Variants in RPRD1A observed in about 807,000 individuals in gnomAD.
RPRD1A encodes the protein regulation of nuclear pre-mRNA domain-containing protein 1A.
A neutral mutation model predicts 37.8 loss-of-function variants in RPRD1A; 9 were observed. That is an observed-to-expected ratio of 0.24 (90% CI 0.14 to 0.42). The LOEUF (loss-of-function observed/expected upper bound fraction) is 0.42, where lower values mean the gene tolerates loss of function less well. RPRD1A is among the 10% of genes least tolerant of loss of function. The pLI is 1.00. For synonymous variants in RPRD1A, 138 were observed against 139.7 expected (o/e 0.99, Z 0.08); for missense variants, 255 against 371.0 (o/e 0.69, Z 2.57).
intron 6 of RPRD1A, among the ~76,000 whole-genome samples, chr18:35,995,851 C>T (rs1219886617): frequency 1.3e-5 from 2 of 152,128 alleles, no homozygotes; most frequent in African/African-American, 4.8e-5. Flanking sequence ...ATGAAAATGG[C>T]ATTCTCCCTC....
intron 6 of RPRD1A, among the ~76,000 whole-genome samples, chr18:36,000,437 A>G (rs1005291152): frequency 6.6e-6 from 1 of 152,212 alleles, no homozygotes; most frequent in Non-Finnish European, 1.5e-5. Context: ...CTCTTAAGAA[A>G]TCCACTATTG....
intron 6 of RPRD1A, among the ~76,000 whole-genome samples, 165 bp from the exon 7 acceptor site, chr18:35,993,465 T>C (rs1908834352): frequency 6.6e-6 from 1 of 152,236 alleles, no homozygotes; most frequent in African/African-American, 2.4e-5. Context: ...TGGAAATATA[T>C]AACTAGTAAA....
intron 1 of RPRD1A, among the ~76,000 whole-genome samples, chr18:36,049,785 G>A (rs1360482275): frequency 2.0e-5 from 3 of 152,172 alleles, no homozygotes; most frequent in Non-Finnish European, 2.9e-5. Context: ...GGAATTATGG[G>A]TGTGCATATA....
Position 35,991,930 on chromosome 18 carries a change from A to C in RPRD1A, c.*1221T>G, listed in dbSNP as rs1181095107. ...GAGAAGAAAAATGTCTAGTATGTAA[A>C]GCAATGAATGAAAATAAATGTTTAT... On this transcript the variant is annotated 3_prime_UTR_variant, in exon 7 of 7. Transcript: ENST00000399022. 1.3e-5 allele frequency: 2 copies of C among 152,458 alleles called. No homozygotes were observed. Among genetic ancestry groups the C allele is most frequent in the Non-Finnish European group, 2.9e-5 (2 of 68,032 alleles). 9.4% of individuals were successfully genotyped at this position (152,458 alleles called of 1,614,324 possible). A position where few individuals can be genotyped will look rare whatever the true frequency, so the allele number is the denominator to read the frequency against.
chr18:36,060,609 T>C (rs930362651), intron 1 of RPRD1A, among the ~76,000 whole-genome samples: 2 of 152,190 alleles, frequency 1.3e-5, no homozygotes, highest in African/African-American at 2.4e-5. Flanking sequence ...AAACGCAGTA[T>C]GCTGGGGAGC....
chr18:36,059,484 A>T (rs1327722390), intron 1 of RPRD1A, among the ~76,000 whole-genome samples: 3 of 152,152 alleles, frequency 2.0e-5, no homozygotes, highest in Non-Finnish European at 4.4e-5. Flanking sequence ...TCGATTTAGT[A>T]TTATAGTTTT....
intron 6 of RPRD1A, among the ~76,000 whole-genome samples, chr18:36,004,512 C>A (rs1909619742): frequency 1.3e-5 from 2 of 152,304 alleles, no homozygotes; most frequent in Middle Eastern, 3.4e-3. Flanking sequence ...ACCTCGGCTT[C>A]CCAAAGTGCT....
At chr18:36,040,796 T>TA in intron 1 of RPRD1A, 1 of 1,479,780 alleles carries the variant, frequency 6.8e-7, no homozygotes, top group Non-Finnish European at 9.0e-7. Context: ...AAAGTGTTTT[T>TA]ATTCACTTAC....
intron 1 of RPRD1A, 127 bp from the exon 2 acceptor site, chr18:36,033,964 C>T (rs1912002571): frequency 1.4e-6 from 1 of 701,058 alleles, no homozygotes; most frequent in East Asian, 2.9e-5. Context: ...CATTTCAACC[C>T]TAGTCTCTCA....
chr18:36,017,566 CTT>C (rs1910673920), intron 6 of RPRD1A, among the ~76,000 whole-genome samples: 5 of 152,220 alleles, frequency 3.3e-5, no homozygotes, highest in Non-Finnish European at 5.9e-5. Context: ...TCTCATCTCA[CTT>C]CTAAGAACTG....
intron 6 of RPRD1A, chr18:36,025,643 G>A (rs959844467): frequency 1.6e-6 from 2 of 1,288,778 alleles, no homozygotes; most frequent in Admixed American, 2.3e-5. Context: ...TACTAATGGT[G>A]ACGACATCGT....
At chr18:36,021,543 TGAAA>T (rs536814389) in intron 6 of RPRD1A, among the ~76,000 whole-genome samples, 3 of 152,272 alleles carry the variant, frequency 2.0e-5, no homozygotes, top group East Asian at 1.9e-4. Flanking sequence ...AATGTTCAAG[TGAAA>T]GAAAGAATCA....
At chr18:36,024,404 G>C (rs898397691) in intron 6 of RPRD1A, among the ~76,000 whole-genome samples, 5 of 150,502 alleles carry the variant, frequency 3.3e-5, no homozygotes, top group African/African-American at 1.2e-4. Context: ...GATTCACCCA[G>C]CTCAGCTTCC....
In RPRD1A at chr18:36,008,577, G is replaced by GTGTGTGTATGTATATATATATATATA; in HGVS notation, c.790-15278_790-15277insTATATATATATATATACATACACACA. 1.0e-3 allele frequency among the ~76,000 whole-genome samples: 49 copies of GTGTGTGTATGTATATATATATATATA among 47,786 alleles called. 1 individual carries two copies. The highest frequency in any genetic ancestry group is 3.2e-3 in the African/African-American group (47 of 14,806). The allele number at this position is 47,786 out of a possible 152,430, so 31.3% of individuals were successfully genotyped here. A position where few individuals can be genotyped will look rare whatever the true frequency, so the allele number is the denominator to read the frequency against. ...GGCGACACAGCAAGACCTTGTGTGT[G>GTGTGTGTATGTATATATATATATATA]TATATATATATATCTTTAAAAATCT... On this transcript the variant is annotated intron_variant, in intron 6 of 6. Transcript: ENST00000399022.
At chr18:36,024,795 C>T (rs1911246631) in intron 6 of RPRD1A, 1 of 152,176 alleles carries the variant, frequency 6.6e-6, no homozygotes, top group Non-Finnish European at 1.5e-5. Flanking sequence ...GTGATGCCAC[C>T]TACTTGGTAC....
intron 4 of RPRD1A, chr18:36,028,286 G>T (rs137992941): frequency 6.6e-6 from 1 of 151,696 alleles, no homozygotes; most frequent in Admixed American, 6.6e-5. Context: ...AATGTGGTAG[G>T]AATGAATGAA....
At chr18:36,055,892 C>T (rs952325016) in intron 1 of RPRD1A, among the ~76,000 whole-genome samples, 5 of 152,168 alleles carry the variant, frequency 3.3e-5, no homozygotes, top group African/African-American at 4.8e-5. Context: ...CACCCAGATA[C>T]ACAGAAAAAC....
chr18:36,031,202 C>G (rs1480207828), intron 2 of RPRD1A, 105 bp from the exon 3 acceptor site: 1 of 1,322,116 alleles, frequency 7.6e-7, no homozygotes, highest in East Asian at 2.6e-5. Flanking sequence ...CATTCATTCC[C>G]TGGAAAAAAC....
chr18:36,031,099 TAAAAAA>T lies in RPRD1A; in HGVS notation c.282-8_282-3del. 3 of 1,370,724 alleles carry T rather than the reference TAAAAAA, an allele frequency of 2.2e-6. No individual in the cohort carries two copies. The highest frequency in any genetic ancestry group is 1.6e-5 in the South Asian group (1 of 63,076). 84.9% of individuals were successfully genotyped at this position (1,370,724 alleles called of 1,614,324 possible). On this transcript the variant is annotated splice_polypyrimidine_tract_variant and splice_region_variant and intron_variant, in intron 2 of 6. Coordinates refer to ENST00000399022, the MANE Select transcript of RPRD1A (RefSeq NM_018170.5). ...TTCTTACAACTTTCATCAGTTTCAC[TAAAAAA>T]AAAAAAAAAGAAAAAAAGAAAAATG...
Sources: allele counts gnomAD v4.1 joint callset (sites outside exome capture counted in the v4.1 genomes callset), GRCh38; gene constraint gnomAD v4.1.1; transcripts MANE v1.5; gene names NCBI Gene and HGNC (gene_info 2026-07-23, HGNC 2026-07-21).